Variants in GALNT13 observed in about 807,000 individuals in gnomAD.
GALNT13 encodes the protein polypeptide N-acetylgalactosaminyltransferase 13.
GALNT13 carries 28 observed loss-of-function variants against 64.2 expected under a neutral mutation model. The observed-to-expected ratio is 0.44, with a 90% CI of 0.32 to 0.60. The LOEUF (loss-of-function observed/expected upper bound fraction) is 0.60, where lower values mean the gene tolerates loss of function less well. Among genes scored for constraint, GALNT13 ranks in the 20% least tolerant of loss-of-function variants. The pLI is 0.05. For synonymous variants in GALNT13, 214 were observed against 224.6 expected, an observed-to-expected ratio of 0.95 and a Z score of 0.42; for missense variants, 577 against 669.8, an observed-to-expected ratio of 0.86 and a Z score of 1.53.
chr2:153,419,234 T>C, the GALNT13 span, among the ~76,000 whole-genome samples: 2 of 152,156 alleles, frequency 1.3e-5, no homozygotes, highest in Admixed American at 1.3e-4. Context: ...AAAAGGGGCT[T>C]ATAAAACCAT....
the GALNT13 span, among the ~76,000 whole-genome samples, chr2:153,074,518 A>G: frequency 6.6e-6 from 1 of 152,178 alleles, no homozygotes. Flanking sequence ...AACCTGCTAT[A>G]CTTCTAGGCT....
chr2:154,238,526 A>G (rs1413656033), intron 4 of GALNT13, among the ~76,000 whole-genome samples: 1 of 152,038 alleles, frequency 6.6e-6, no homozygotes, highest in Admixed American at 6.5e-5. Flanking sequence ...TTGGTAAAAT[A>G]CAGACAATAA....
At chr2:153,337,179 T>C in the GALNT13 span, among the ~76,000 whole-genome samples, 5 of 152,160 alleles carry the variant, frequency 3.3e-5, no homozygotes, top group African/African-American at 1.2e-4. Flanking sequence ...GAATTTTTGA[T>C]TGAGACAAGG....
At chr2:153,817,192 A>G in the GALNT13 span, among the ~76,000 whole-genome samples, 4 of 152,198 alleles carry the variant, frequency 2.6e-5, no homozygotes, top group African/African-American at 9.7e-5. Context: ...GTGAGTTTTC[A>G]TGGGATGTTC....
At chr2:154,022,021 G>A (rs1203309531) in intron 3 of GALNT13, among the ~76,000 whole-genome samples, 7 of 152,140 alleles carry the variant, frequency 4.6e-5, no homozygotes, top group East Asian at 1.9e-4. Flanking sequence ...ATTTGCGTAT[G>A]TTGAACCAGC....
At chr2:154,372,310 G>A (rs1363964633) in intron 9 of GALNT13, among the ~76,000 whole-genome samples, 3 of 149,918 alleles carry the variant, frequency 2.0e-5, no homozygotes, top group African/African-American at 7.3e-5. Flanking sequence ...ATCCAAAGAA[G>A]TCAAGACCTC....
intron 1 of GALNT13, among the ~76,000 whole-genome samples, chr2:153,879,396 GT>G (rs1010834526): frequency 6.6e-6 from 1 of 151,746 alleles, no homozygotes; most frequent in African/African-American, 2.4e-5. Flanking sequence ...GTGTGTGTGT[GT>G]TCTGAGACAG....
chr2:153,906,984 C>A (rs1688609142), intron 2 of GALNT13, among the ~76,000 whole-genome samples: 1 of 152,056 alleles, frequency 6.6e-6, no homozygotes, highest in Non-Finnish European at 1.5e-5. Context: ...ATTTGCATTT[C>A]TCTGATGGCC....
chr2:153,721,115 G>A, the GALNT13 span, among the ~76,000 whole-genome samples: 220 of 144,320 alleles, frequency 1.5e-3, no homozygotes, highest in African/African-American at 4.1e-3. Context: ...CGGATCTCTC[G>A]GCAGAAACCC....
At chr2:153,876,106 A>G (rs1184586534) in intron 1 of GALNT13, among the ~76,000 whole-genome samples, 1 of 152,076 alleles carries the variant, frequency 6.6e-6, no homozygotes, top group African/African-American at 2.4e-5. Context: ...ATCAAAATAA[A>G]CACATGTGAA....
the GALNT13 span, among the ~76,000 whole-genome samples, chr2:153,440,833 A>G: frequency 1.3e-5 from 2 of 151,294 alleles, no homozygotes; most frequent in African/African-American, 4.9e-5. Flanking sequence ...AGTTTTTTGT[A>G]TCTTCTGGAT....
At chr2:153,729,728 C>A in the GALNT13 span, among the ~76,000 whole-genome samples, 1 of 151,852 alleles carries the variant, frequency 6.6e-6, no homozygotes, top group African/African-American at 2.4e-5. Flanking sequence ...CCTAAAAAAT[C>A]CTAAAGAGTC....
At chr2:154,075,320 TG>T (rs2105399578) in intron 3 of GALNT13, among the ~76,000 whole-genome samples, 2 of 152,002 alleles carry the variant, frequency 1.3e-5, no homozygotes, top group East Asian at 1.9e-4. Flanking sequence ...CTATTTCTGT[TG>T]TACCACTTTG....
intron 9 of GALNT13, among the ~76,000 whole-genome samples, chr2:154,355,652 C>G (rs1574147935): frequency 1.3e-5 from 2 of 151,976 alleles, no homozygotes; most frequent in Admixed American, 1.3e-4. Flanking sequence ...CTGATAACCC[C>G]AGAGTTTATT....
chr2:153,448,127 G>A, the GALNT13 span, among the ~76,000 whole-genome samples: 2 of 152,160 alleles, frequency 1.3e-5, no homozygotes, highest in Non-Finnish European at 2.9e-5. Context: ...TGTTTGGATT[G>A]CATATGATGT....
At chr2:153,783,372 G>C in the GALNT13 span, among the ~76,000 whole-genome samples, 1 of 151,866 alleles carries the variant, frequency 6.6e-6, no homozygotes, top group Non-Finnish European at 1.5e-5. Flanking sequence ...CAAAATAAAA[G>C]AATCATCTAA....
the GALNT13 span, among the ~76,000 whole-genome samples, chr2:153,209,319 G>A: frequency 6.6e-6 from 1 of 152,028 alleles, no homozygotes; most frequent in Non-Finnish European, 1.5e-5. Flanking sequence ...TTATGGTTCT[G>A]ACATTTTGAT....
At chr2:153,494,913 A>G in the GALNT13 span, among the ~76,000 whole-genome samples, 13 of 152,230 alleles carry the variant, frequency 8.5e-5, no homozygotes, top group African/African-American at 3.1e-4. Context: ...TGAACAAACT[A>G]TTTGAATAGA....
chr2:153,842,743 T>C, the GALNT13 span, among the ~76,000 whole-genome samples: 4 of 137,676 alleles, frequency 2.9e-5, no homozygotes, highest in Non-Finnish European at 6.5e-5. Flanking sequence ...CACACACACA[T>C]GCACACACAC....
Sources: gnomAD v4.1 joint callset for allele counts (sites outside exome capture counted in the v4.1 genomes callset) on GRCh38, gnomAD v4.1.1 for gene constraint, MANE v1.5 for transcripts, NCBI Gene and HGNC (gene_info 2026-07-23, HGNC 2026-07-21) for gene names.